Variants in MEIOSIN observed in about 807,000 individuals in gnomAD.
MEIOSIN encodes the protein meiosis initiator protein.
In MEIOSIN, 18 loss-of-function variants were observed where a neutral mutation model predicts 23.4. The ratio of observed to expected loss-of-function variants is 0.77; its 90% CI spans 0.53 to 1.14. The LOEUF (loss-of-function observed/expected upper bound fraction) is 1.14. Ranked by LOEUF, MEIOSIN falls within the 50% of genes most tolerant of loss-of-function variation. The pLI, the probability that MEIOSIN is intolerant of heterozygous loss-of-function variation, is 0.00. For missense variants in MEIOSIN, 428 were observed against 242.9 expected (o/e 1.76, Z -5.07); for synonymous variants, 187 against 100.6 (o/e 1.86, Z -5.14).
rs79619855 is a variant in MEIOSIN, at chr19:45,753,332, T to C, written c.419-319T>C. Among the ~76,000 whole-genome samples the C allele has an allele frequency of 1.4e-4, 21 of 152,168 alleles. No homozygotes were observed. In the East Asian group the frequency reaches 2.5e-3, roughly 18 times the overall value. On this transcript the variant is annotated intron_variant, in intron 5 of 14. Transcript: ENST00000457052. ...GGTCGGCTAGGAGACCCTCACTGTG[T>C]TGAGGAAGGCGGGAGGAGGTACTGG...
chr19:45,739,789 T>C (rs1968469744), intron 3 of MEIOSIN, 59 bp downstream of exon 3: 1 of 702,464 alleles, frequency 1.4e-6, no homozygotes, highest in Non-Finnish European at 2.6e-6. Context: ...TAGCCCATTG[T>C]TCAACACCTC....
intron 4 of MEIOSIN, among the ~76,000 whole-genome samples, chr19:45,746,385 A>G (rs756602044): frequency 6.6e-6 from 1 of 152,080 alleles, no homozygotes; most frequent in Non-Finnish European, 1.5e-5. Context: ...TTGACCCATC[A>G]TGGTCCCTCA....
intron 5 of MEIOSIN, among the ~76,000 whole-genome samples, chr19:45,751,062 C>T (rs1968693883): frequency 6.6e-6 from 1 of 151,948 alleles, no homozygotes; most frequent in Non-Finnish European, 1.5e-5. Flanking sequence ...CGCTTGAGGT[C>T]AGGAGTTCGA....
chr19:45,761,838 G>T lies in MEIOSIN; in HGVS notation c.1405G>T (p.Asp469Tyr). Residue 469 changes from aspartate to tyrosine, a missense_variant, in exon 12 of 15, where the codon GAC (aspartate) becomes TAC (tyrosine). Asp to Tyr is a radical substitution (Grantham distance 160, BLOSUM62 -3). Transcript: ENST00000457052. ...SSSSSSSEDS[D>Y]SEPLWKQRED... Reference sequence around the variant, plus strand: ...CTCCAGCTCCAGCTCGGAGGACAGCGACTCGGAGCCCCTGTGGAAGCAGCG... The same window carrying T: ...CTCCAGCTCCAGCTCGGAGGACAGCTACTCGGAGCCCCTGTGGAAGCAGCG... 1.5e-6 allele frequency: 1 copy of T among 686,726 alleles called. No individual in the cohort carries two copies. The highest frequency in any genetic ancestry group is 1.5e-5 in the South Asian group (1 of 64,574). 42.5% of individuals were successfully genotyped at this position (686,726 alleles called of 1,614,324 possible).
At chr19:45,744,790 C>T (rs1303163271) in intron 3 of MEIOSIN, among the ~76,000 whole-genome samples, 1 of 152,084 alleles carries the variant, frequency 6.6e-6, no homozygotes, top group Non-Finnish European at 1.5e-5. Flanking sequence ...GGACCTTAAA[C>T]TTGATCCTTA....
At chr19:45,748,459 A>G (rs1354265550) in intron 4 of MEIOSIN, among the ~76,000 whole-genome samples, 2 of 152,264 alleles carry the variant, frequency 1.3e-5, no homozygotes, top group Admixed American at 6.5e-5. Flanking sequence ...CTGTCACTCA[A>G]GGTTCAATAG....
In MEIOSIN at chr19:45,734,526, C is replaced by T. The variant is rs528048355; in HGVS notation, c.1-851C>T. Among the ~76,000 whole-genome samples the T allele has an allele frequency of 4.5e-3, 677 of 150,822 alleles. 11 individuals carry two copies. Among genetic ancestry groups the T allele is most frequent in the African/African-American group, 0.015 (616 of 41,006 alleles). ...GGCTCCTTTTTTTTTGTTTTTGAGA[C>T]AAGGTCTCACTTTGTCATCCAGGCT... On this transcript the variant is annotated intron_variant, in intron 1 of 14. Coordinates refer to ENST00000457052, the MANE Select transcript of MEIOSIN (RefSeq NM_001310124.2).
In MEIOSIN at chr19:45,755,995, G is replaced by A. The variant is rs1372389939; in HGVS notation, c.828G>A (p.Gln276=). ...GCTGCTGGTGCCAGGGCAGTGTCCA[G>A]GATGACGCACCTTTCCCTGCGCTCC... ...ISSCWCQGSV[Q]DDAPFPALLA... is the part of the protein sequence containing the mutation. The change falls in exon 8 of 15, where the codon CAG becomes CAA. Residue 276 remains glutamine, a synonymous_variant. Transcript: ENST00000457052. 2 of 702,870 alleles carry A rather than the reference G, an allele frequency of 2.8e-6. No individual in the cohort carries two copies. Among genetic ancestry groups the A allele is most frequent in the Middle Eastern group, 2.4e-4 (1 of 4,240 alleles). 43.5% of individuals were successfully genotyped at this position (702,870 alleles called of 1,614,324 possible). A position where few individuals can be genotyped will look rare whatever the true frequency, so the allele number is the denominator to read the frequency against.
At chr19:45,738,935 G>A (rs1283284399) in intron 2 of MEIOSIN, among the ~76,000 whole-genome samples, 1 of 152,144 alleles carries the variant, frequency 6.6e-6, no homozygotes, top group Non-Finnish European at 1.5e-5. Flanking sequence ...GATAAAGACT[G>A]TTAGTTGCGA....
Position 45,739,528 on chromosome 19 carries a change from G to C in MEIOSIN, c.72-98G>C, listed in dbSNP as rs1968464104. On this transcript the variant is annotated intron_variant, in intron 2 of 14. Coordinates refer to ENST00000457052, the MANE Select transcript of MEIOSIN (RefSeq NM_001310124.2). ...ATATCTTGCCAACTCCATATACCCA[G>C]AAGAGAAAACATCTTTCTAAGATTG... The C allele has an allele frequency of 1.0e-5, 7 of 685,232 alleles. No homozygotes were observed. In the South Asian group the frequency reaches 1.1e-4, roughly 11 times the overall value. 42.4% of individuals were successfully genotyped at this position (685,232 alleles called of 1,614,324 possible). A position where few individuals can be genotyped will look rare whatever the true frequency, so the allele number is the denominator to read the frequency against.
chr19:45,734,054 A>G (rs2146169164), intron 1 of MEIOSIN, among the ~76,000 whole-genome samples: 1 of 152,254 alleles, frequency 6.6e-6, no homozygotes, highest in East Asian at 1.9e-4. Flanking sequence ...ATGATGTAAC[A>G]TTTTGAGAGT....
intron 13 of MEIOSIN, among the ~76,000 whole-genome samples, chr19:45,762,997 G>A (rs903398942): frequency 1.3e-5 from 2 of 152,190 alleles, no homozygotes; most frequent in African/African-American, 4.8e-5. Context: ...AAGTCCTTGG[G>A]ACTGACTTTG....
At chr19:45,749,119 C>G (rs1243896378) in intron 4 of MEIOSIN, among the ~76,000 whole-genome samples, 1 of 151,710 alleles carries the variant, frequency 6.6e-6, no homozygotes, top group African/African-American at 2.4e-5. Flanking sequence ...GCCTGTAATC[C>G]CAGCACTTTG....
intron 4 of MEIOSIN, among the ~76,000 whole-genome samples, chr19:45,749,070 A>G (rs1968643790): frequency 2.1e-5 from 3 of 143,128 alleles, no homozygotes; most frequent in African/African-American, 7.8e-5. Context: ...CTCCCTCTCA[A>G]AAAAAAAAAA....
At chr19:45,761,606 G>A (rs10424177) in intron 11 of MEIOSIN, 73 bp from the exon 12 acceptor site, 4 of 646,730 alleles carry the variant, frequency 6.2e-6, no homozygotes, top group Non-Finnish European at 1.1e-5. Flanking sequence ...TTATGTCCTA[G>A]AAAAGCAGTA....
rs1341990506 is a variant in MEIOSIN, at chr19:45,745,300, G to C, written c.285G>C (p.Thr95=). 1.4e-6 allele frequency: 1 copy of C among 702,962 alleles called. No individual in the cohort carries two copies. Among genetic ancestry groups the C allele is most frequent in the Non-Finnish European group, 2.6e-6 (1 of 385,004 alleles). The allele number at this position is 702,962 out of a possible 1,614,324, so 43.5% of individuals were successfully genotyped here. Residue 95 remains threonine, a synonymous_variant, in exon 4 of 15, where the codon ACG becomes ACC. Coordinates refer to ENST00000457052, the MANE Select transcript of MEIOSIN (RefSeq NM_001310124.2). ...LALLLPIALK[T]GTKKLTKKEI... is the part of the protein sequence containing the mutation. ...TGCTGCTGCCCATAGCCCTGAAGAC[G>C]GGGACCAAGAAGCTCACAAAGGTAC...
At chr19:45,758,150 C>A (rs948500325) in intron 9 of MEIOSIN, among the ~76,000 whole-genome samples, 3 of 151,788 alleles carry the variant, frequency 2.0e-5, no homozygotes, top group Non-Finnish European at 4.4e-5. Context: ...TGCACCACCA[C>A]GCCTAGCAAA....
intron 10 of MEIOSIN, 78 bp from the exon 11 acceptor site, chr19:45,759,336 C>T (rs749369881): frequency 1.9e-4 from 131 of 694,634 alleles, no homozygotes; most frequent in Non-Finnish European, 3.1e-4. Flanking sequence ...CTCCGGCTAG[C>T]AGGGACGGTG....
At chr19:45,760,335 G>A (rs918857077) in intron 11 of MEIOSIN, among the ~76,000 whole-genome samples, 1 of 152,162 alleles carries the variant, frequency 6.6e-6, no homozygotes, top group African/African-American at 2.4e-5. Flanking sequence ...GGGCGTGGTG[G>A]CTCACGCCTG....
Sources: allele counts gnomAD v4.1 joint callset (sites outside exome capture counted in the v4.1 genomes callset), GRCh38; gene constraint gnomAD v4.1.1; transcripts MANE v1.5; gene names NCBI Gene and HGNC (gene_info 2026-07-23, HGNC 2026-07-21).